Variants in DEFB4B observed in about 807,000 individuals in gnomAD.
DEFB4B encodes beta-defensin 4B.
chr8:7,416,397 A>T (rs1252203939), intron 1 of DEFB4B, among the ~76,000 whole-genome samples: 1 of 151,806 alleles, frequency 6.6e-6, no homozygotes, highest in Admixed American at 6.6e-5. Context: ...GATATTTACA[A>T]GCTACTGGGC....
intron 1 of DEFB4B, among the ~76,000 whole-genome samples, chr8:7,415,904 C>A (rs1265515229): frequency 6.8e-6 from 1 of 147,966 alleles, no homozygotes; most frequent in African/African-American, 2.5e-5. Context: ...GAGGATTTCA[C>A]AAGATGATAT....
chr8:7,415,963 T>G (rs1427302365), intron 1 of DEFB4B, among the ~76,000 whole-genome samples: 1 of 147,816 alleles, frequency 6.8e-6, no homozygotes, highest in African/African-American at 2.5e-5. Context: ...TCTTTTTCCC[T>G]TTCTCCATCC....
At chr8:7,415,631 T>G (rs1162746136) in intron 1 of DEFB4B, among the ~76,000 whole-genome samples, 3 of 150,936 alleles carry the variant, frequency 2.0e-5, no homozygotes, top group African/African-American at 7.3e-5. Flanking sequence ...GAAATAAATT[T>G]TGTAATGGCT....
intron 1 of DEFB4B, among the ~76,000 whole-genome samples, chr8:7,416,272 A>G (rs1313639032): frequency 6.6e-6 from 1 of 151,684 alleles, no homozygotes; most frequent in Admixed American, 6.6e-5. Context: ...AGAAAATGAC[A>G]TTCTATACTA....
At chr8:7,416,292 G>C (rs1287587742) in intron 1 of DEFB4B, among the ~76,000 whole-genome samples, 40 of 151,728 alleles carry the variant, frequency 2.6e-4, no homozygotes, top group African/African-American at 9.7e-4. Context: ...ACTTTCTTTA[G>C]ATAAAATCAA....
chr8:7,415,392 G>T (rs1439757108), intron 1 of DEFB4B, among the ~76,000 whole-genome samples: 2 of 151,382 alleles, frequency 1.3e-5, no homozygotes, highest in Admixed American at 6.6e-5. Context: ...GGGTCTGGTA[G>T]GAGCTCAGCA....
At chr8:7,415,750 C>CGCCTCCCT (rs761590005) in intron 1 of DEFB4B, among the ~76,000 whole-genome samples, 23,341 of 122,162 alleles carry the variant, frequency 0.19, 366 homozygotes, top group African/African-American at 0.26. Context: ...CCCACCTGCC[C>CGCCTCCCT]GCCTCCCTGC....
intron 1 of DEFB4B, among the ~76,000 whole-genome samples, chr8:7,415,750 C>CACCTCCCT (rs1563323297): frequency 2.3e-5 from 3 of 129,592 alleles, no homozygotes; most frequent in African/African-American, 8.9e-5. Context: ...CCCACCTGCC[C>CACCTCCCT]GCCTCCCTGC....
intron 1 of DEFB4B, among the ~76,000 whole-genome samples, chr8:7,415,703 C>G (rs1585469419): frequency 8.8e-6 from 1 of 113,706 alleles, no homozygotes; most frequent in South Asian, 3.5e-4. Context: ...CTCCCTCCCT[C>G]CCTCCCTCCC....
chr8:7,416,727 T>G (rs2128863174), intron 1 of DEFB4B, 43 bp downstream of exon 1: 2 of 713,086 alleles, frequency 2.8e-6, no homozygotes, highest in South Asian at 3.7e-5. Context: ...TCTACGCCAT[T>G]CTTCCATTTG....
intron 1 of DEFB4B, among the ~76,000 whole-genome samples, chr8:7,415,608 A>G (rs1457563775): frequency 2.6e-5 from 4 of 151,318 alleles, no homozygotes; most frequent in Admixed American, 6.6e-5. Context: ...GTTGAAAACC[A>G]CAATTAACCA....
At chr8:7,415,381 G>A (rs1808791172) in intron 1 of DEFB4B, among the ~76,000 whole-genome samples, 1 of 151,336 alleles carries the variant, frequency 6.6e-6, no homozygotes, top group South Asian at 2.1e-4. Context: ...GCCTCCAGGT[G>A]GGGTCTGGTA....
At chr8:7,416,589 A>G (rs1360793257) in intron 1 of DEFB4B, among the ~76,000 whole-genome samples, 181 bp downstream of exon 1, 1 of 81,656 alleles carries the variant, frequency 1.2e-5, no homozygotes, top group Non-Finnish European at 2.4e-5. Flanking sequence ...AGAAAGACAG[A>G]AAAAAAGAGA....
intron 1 of DEFB4B, among the ~76,000 whole-genome samples, chr8:7,415,713 C>CTCCCTCCT (rs1563323235): frequency 2.3e-5 from 3 of 127,844 alleles, no homozygotes; most frequent in Non-Finnish European, 3.3e-5. Context: ...CCCTCCCTCC[C>CTCCCTCCT]TCCCTCCCTC....
chr8:7,415,697 C>CTCCCTCCG (rs1399466973), intron 1 of DEFB4B, among the ~76,000 whole-genome samples: 15 of 112,562 alleles, frequency 1.3e-4, no homozygotes, highest in Non-Finnish European at 2.3e-4. Context: ...TTATCCCTCC[C>CTCCCTCCG]TCCCTCCCTC....
intron 1 of DEFB4B, among the ~76,000 whole-genome samples, chr8:7,415,699 C>CCCTCCCTCCTTCCCTCCCTT: frequency 1.9e-5 from 2 of 102,640 alleles, no homozygotes; most frequent in African/African-American, 7.3e-5. Flanking sequence ...ATCCCTCCCT[C>CCCTCCCTCCTTCCCTCCCTT]CCTCCCTCCC....
intron 1 of DEFB4B, among the ~76,000 whole-genome samples, chr8:7,415,668 C>G (rs1239363483): frequency 6.8e-6 from 1 of 146,086 alleles, no homozygotes; most frequent in African/African-American, 2.6e-5. Flanking sequence ...GTCCTGGTTT[C>G]AACCTCATTC....
At chr8:7,415,773 C>T (rs1808822928) in intron 1 of DEFB4B, among the ~76,000 whole-genome samples, 1 of 146,180 alleles carries the variant, frequency 6.8e-6, no homozygotes, top group African/African-American at 2.5e-5. Flanking sequence ...CCCTGCCTCC[C>T]TGCCTCCCCG....
At chr8:7,415,701 CTCCCTCCCTCCCTCCCTCCCTCCT>C (rs1808812207) in intron 1 of DEFB4B, among the ~76,000 whole-genome samples, 1 of 117,158 alleles carries the variant, frequency 8.5e-6, no homozygotes, top group South Asian at 3.5e-4. Flanking sequence ...CCCTCCCTCC[CTCCCTCCCTCCCTCCCTCCCTCCT>C]TCCCTCCCTC....
Sources: allele counts gnomAD v4.1 joint callset (sites outside exome capture counted in the v4.1 genomes callset), GRCh38; gene constraint gnomAD v4.1.1; transcripts MANE v1.5; gene names NCBI Gene and HGNC (gene_info 2026-07-23, HGNC 2026-07-21).